Variants in DIP2C observed in about 807,000 individuals in gnomAD.
DIP2C encodes the protein DIP2 acetate--CoA ligase C (putative).
A neutral mutation model predicts 192.4 loss-of-function variants in DIP2C; 33 were observed. The ratio of observed to expected loss-of-function variants is 0.17; its 90% CI spans 0.13 to 0.23. The LOEUF is 0.23. Among genes scored for constraint, DIP2C ranks in the 10% least tolerant of loss-of-function variants. The probability of loss-of-function intolerance (pLI) is 1.00; values close to 1 mark genes in which losing one functional copy is unlikely to be tolerated. For synonymous variants in DIP2C, 979 were observed against 864.1 expected, an observed-to-expected ratio of 1.13 and a Z score of -2.33; for missense variants, 1,537 against 2,110.1, an observed-to-expected ratio of 0.73 and a Z score of 5.32.
At chr10:320,643 G>C (rs1331284699) in intron 31 of DIP2C, among the ~76,000 whole-genome samples, 1 of 152,076 alleles carries the variant, frequency 6.6e-6, no homozygotes, top group Non-Finnish European at 1.5e-5. Flanking sequence ...TCTTAGCTGA[G>C]TGTGGTGGCT....
chr10:288,417 G>A lies in DIP2C; in HGVS notation c.3991C>T (p.Arg1331Cys), dbSNP rs1955269849. 10 of 1,613,900 alleles carry A rather than the reference G, an allele frequency of 6.2e-6. No homozygotes were observed. The highest frequency in any genetic ancestry group is 6.8e-6 in the Non-Finnish European group (8 of 1,179,878). ...TGAGGGGATCCTCTTTCCACTAAGCGGACTCTGCAAACAGAAAGAGAAAAT... is the reference window on the plus strand; with the variant it reads ...TGAGGGGATCCTCTTTCCACTAAGCAGACTCTGCAAACAGAAAGAGAAAAT... ...DMRALRHDRVRLVERGSPHSL... is the reference protein window; with the variant it reads ...DMRALRHDRVCLVERGSPHSL... The change falls in exon 33 of 37, where the codon CGC (arginine) becomes TGC (cysteine). Residue 1331 changes from arginine (R) to cysteine (C), a missense_variant. Physicochemically the swap from Arg to Cys is radical, Grantham distance 180. Transcript: ENST00000280886.
chr10:502,219 A>G (rs1845285827), intron 1 of DIP2C, among the ~76,000 whole-genome samples: 1 of 152,214 alleles, frequency 6.6e-6, no homozygotes, highest in Non-Finnish European at 1.5e-5. Context: ...AAGCCCAATC[A>G]TTTACTGGTC....
intron 17 of DIP2C, among the ~76,000 whole-genome samples, chr10:380,291 T>G (rs1423052652): frequency 1.3e-5 from 2 of 150,916 alleles, no homozygotes; most frequent in East Asian, 3.9e-4. Context: ...GGATGATGGT[T>G]AACACGCAGA....
intron 1 of DIP2C, among the ~76,000 whole-genome samples, chr10:528,125 C>A (rs1847162529): frequency 6.6e-6 from 1 of 152,182 alleles, no homozygotes; most frequent in African/African-American, 2.4e-5. Context: ...AACATCCCCC[C>A]TGAAGGGTTT....
chr10:527,843 T>TCC (rs1287447251), intron 1 of DIP2C, among the ~76,000 whole-genome samples: 1 of 152,218 alleles, frequency 6.6e-6, no homozygotes, highest in African/African-American at 2.4e-5. Context: ...CAGCCATCCT[T>TCC]CCCGTCCCTG....
intron 1 of DIP2C, among the ~76,000 whole-genome samples, chr10:684,489 A>T (rs1054422764): frequency 6.6e-6 from 1 of 152,212 alleles, no homozygotes; most frequent in Non-Finnish European, 1.5e-5. Context: ...TTGTTTTTTC[A>T]GAGTAAACTA....
intron 9 of DIP2C, among the ~76,000 whole-genome samples, chr10:405,234 G>C (rs1410720490): frequency 6.6e-6 from 1 of 152,220 alleles, no homozygotes; most frequent in Admixed American, 6.5e-5. Context: ...GAAGCACCTC[G>C]TGTCTGCCTC....
At chr10:409,053 A>T in intron 8 of DIP2C, 36 bp from the exon 9 acceptor site, 1 of 1,603,752 alleles carries the variant, frequency 6.2e-7, no homozygotes, top group Non-Finnish European at 8.5e-7. Flanking sequence ...GTGCGTATTA[A>T]ACCATACGGA....
At position 348,716 on chromosome 10, in the gene DIP2C, A is replaced by G. The variant is rs1016924109; in HGVS notation, c.3156T>C (p.Cys1052=). Residue 1052 remains cysteine (C), a synonymous_variant, in exon 26 of 37, where the codon TGT becomes TGC. Transcript: ENST00000280886. ...GCGGGGGACGGACGGTTATTGGCAC[A>G]CAGCCTGCGTACAGGCAACCATAAA... ...AAFYGCLYAG[C]VPITVRPPHP... 2 of 1,613,974 alleles carry G rather than the reference A, an allele frequency of 1.2e-6. No individual in the cohort carries two copies. Among genetic ancestry groups the G allele is most frequent in the Non-Finnish European group, 1.7e-6 (2 of 1,179,982 alleles).
At chr10:407,149 G>A (rs200521741) in intron 9 of DIP2C, among the ~76,000 whole-genome samples, 14 of 152,176 alleles carry the variant, frequency 9.2e-5, no homozygotes, top group African/African-American at 2.9e-4. Context: ...TGCAATCCCC[G>A]TCTAGACAAA....
At chr10:447,642 C>A in intron 3 of DIP2C, among the ~76,000 whole-genome samples, 2 of 141,370 alleles carry the variant, frequency 1.4e-5, no homozygotes, top group African/African-American at 6.1e-5. Flanking sequence ...GGATCACACA[C>A]AGTGGGGCAG....
chr10:546,653 G>A (rs183369605), intron 1 of DIP2C, among the ~76,000 whole-genome samples: 1 of 152,214 alleles, frequency 6.6e-6, no homozygotes, highest in Non-Finnish European at 1.5e-5. Context: ...CCTGGTCGAC[G>A]GGCCTTTCTG....
At chr10:428,692 A>G (rs1443166337) in intron 4 of DIP2C, among the ~76,000 whole-genome samples, 2 of 151,998 alleles carry the variant, frequency 1.3e-5, no homozygotes, top group Non-Finnish European at 2.9e-5. Flanking sequence ...CATCAATCTG[A>G]GTAAATTTTG....
At chr10:603,144 G>A (rs997273736) in intron 1 of DIP2C, among the ~76,000 whole-genome samples, 1 of 151,838 alleles carries the variant, frequency 6.6e-6, no homozygotes, top group East Asian at 1.9e-4. Flanking sequence ...AGTCTGCAGA[G>A]TTTTCATATA....
Position 646,994 on chromosome 10 carries a change from G to C in DIP2C, c.85+42500C>G, listed in dbSNP as rs574997976. ...AGTGAAAGTGAAATGAGCCATGGTG[G>C]CAAGCTGGGCGAGAACAGAGGGAAA... On this transcript the variant is annotated intron_variant, in intron 1 of 36. Coordinates refer to ENST00000280886, the MANE Select transcript of DIP2C (RefSeq NM_014974.3). 3.3e-4 allele frequency among the ~76,000 whole-genome samples: 50 copies of C among 152,384 alleles called. No individual in the cohort carries two copies. The South Asian group carries it at 9.9e-3, about 30-fold the overall frequency.
At position 277,084 on chromosome 10, in the gene DIP2C, C is replaced by A; in HGVS notation, c.*241G>T. On this transcript the variant is annotated 3_prime_UTR_variant, in exon 37 of 37. Coordinates refer to ENST00000280886, the MANE Select transcript of DIP2C (RefSeq NM_014974.3). The stretch of plus-strand genomic sequence containing the variant: ...AAAGAAAGTTTTGAAATGGGCTTTT[C>A]CAACAAACTGAAGGCAGTAATCCAA... The A allele has an allele frequency of 2.2e-6, 1 of 445,796 alleles. No individual in the cohort carries two copies. The highest frequency in any genetic ancestry group is 3.9e-6 in the Non-Finnish European group (1 of 259,348). 27.6% of individuals were successfully genotyped at this position (445,796 alleles called of 1,614,324 possible).
intron 32 of DIP2C, among the ~76,000 whole-genome samples, chr10:292,230 G>A (rs1191423712): frequency 2.0e-5 from 3 of 152,178 alleles, no homozygotes; most frequent in South Asian, 2.1e-4. Context: ...TCGGCTCCAC[G>A]AACCATTACT....
chr10:639,105 G>A (rs1854992717), intron 1 of DIP2C, among the ~76,000 whole-genome samples: 1 of 151,886 alleles, frequency 6.6e-6, no homozygotes, highest in African/African-American at 2.4e-5. Context: ...GTCAGGTCGG[G>A]AGGATGCTGC....
intron 3 of DIP2C, among the ~76,000 whole-genome samples, chr10:469,890 A>G (rs1970491851): frequency 1.3e-5 from 2 of 152,178 alleles, no homozygotes. Context: ...ATCTTCCTTC[A>G]AAATATAGAA....
Sources: allele counts gnomAD v4.1 joint callset (sites outside exome capture counted in the v4.1 genomes callset), GRCh38; gene constraint gnomAD v4.1.1; transcripts MANE v1.5; gene names NCBI Gene and HGNC (gene_info 2026-07-23, HGNC 2026-07-21).